The following OFD1 variants were observed in gnomAD, a reference collection of about 807,000 sequenced individuals.
OFD1 encodes the protein OFD1 centriole and centriolar satellite protein, also known as centriole and centriolar satellite protein OFD1.
In OFD1, 12 loss-of-function variants were observed where a neutral mutation model predicts 81.4. The observed-to-expected ratio is 0.15, with a 90% CI of 0.09 to 0.24. The LOEUF (loss-of-function observed/expected upper bound fraction) is 0.24, where lower values mean the gene tolerates loss of function less well. OFD1 is among the 10% of genes least tolerant of loss of function. The pLI is 1.00. For synonymous variants in OFD1, 256 were observed against 263.7 expected (o/e 0.97, Z 0.28); for missense variants, 685 against 733.9 (o/e 0.93, Z 0.77).
chrX:13,740,238 C>T (rs779977978), intron 5 of OFD1: 1 of 818,455 alleles, frequency 1.2e-6, no homozygotes, highest in African/African-American at 2.1e-5. Flanking sequence ...ATTCTGTACT[C>T]TAAGTGTCGT....
At chrX:13,740,270 A>T in intron 5 of OFD1, 1 of 675,330 alleles carries the variant, frequency 1.5e-6, no homozygotes, top group Non-Finnish European at 2.1e-6. Context: ...CTCTGTGATT[A>T]TGGAAATGTC....
chrX:13,745,997 C>T (rs753400149), intron 6 of OFD1, among the ~76,000 whole-genome samples: 1 of 112,404 alleles, frequency 8.9e-6, no homozygotes, highest in Non-Finnish European at 1.9e-5. Flanking sequence ...TATTTTCTGA[C>T]TTAAACTGTA....
the OFD1 span, chrX:13,715,748 C>A: frequency 7.5e-5 from 66 of 874,367 alleles, no homozygotes; most frequent in Admixed American, 1.2e-4. Flanking sequence ...GCTATGAGGA[C>A]AACAAGGTGA....
intron 7 of OFD1, 141 bp downstream of exon 7, chrX:13,746,596 T>G: frequency 1.3e-6 from 1 of 795,952 alleles, no homozygotes; most frequent in African/African-American, 2.1e-5. Context: ...TTTTTTTATT[T>G]CTGGTGACAT....
chrX:13,762,466 A>G (rs1240284421), intron 18 of OFD1, 22 bp downstream of exon 18: 2 of 939,774 alleles, frequency 2.1e-6, no homozygotes, highest in Non-Finnish European at 1.5e-6. Context: ...TATAAATACC[A>G]GTTTTTATAT....
chrX:13,738,090 C>A (rs1283644710), intron 3 of OFD1, among the ~76,000 whole-genome samples: 1 of 112,010 alleles, frequency 8.9e-6, no homozygotes, highest in Admixed American at 9.5e-5. Flanking sequence ...CCCAGGTGAT[C>A]TGCCCACCTC....
chrX:13,760,955 T>C, intron 16 of OFD1, 130 bp from the exon 17 acceptor site: 1 of 874,183 alleles, frequency 1.1e-6, no homozygotes, highest in Non-Finnish European at 1.7e-6. Context: ...TTCTGGATCT[T>C]ATGCATCATA....
intron 19 of OFD1, among the ~76,000 whole-genome samples, chrX:13,764,641 G>A (rs757130817): frequency 1.8e-4 from 20 of 112,234 alleles, no homozygotes; most frequent in Non-Finnish European, 3.0e-4. Flanking sequence ...CCTCCCAAAC[G>A]TTGGAAAAAC....
At position 13,768,780 on chromosome X, in the gene OFD1, C is replaced by G. The variant is rs373088434; in HGVS notation, c.2991C>G (p.Val997=). ...LVDTLQSSDK[V]ESLTGFSHEE... is the part of the protein sequence containing the mutation. ...ACACGCTGCAATCTAGTGACAAAGT[C>G]GAAAGGTACCTGTTTTCCCTACACA... Residue 997 remains valine, a synonymous_variant, in exon 22 of 23, where the codon GTC becomes GTG. Transcript: ENST00000340096. The G allele has an allele frequency of 8.3e-7, 1 of 1,199,409 alleles. No homozygotes were observed. Among genetic ancestry groups the G allele is most frequent in the African/African-American group, 1.7e-5 (1 of 57,347 alleles).
chrX:13,755,293 A>C (rs1166796697), intron 12 of OFD1, 51 bp downstream of exon 12: 1 of 881,283 alleles, frequency 1.1e-6, no homozygotes. Context: ...CAATATATGA[A>C]ATTTTAGTCA....
intron 11 of OFD1, 135 bp downstream of exon 11, chrX:13,753,576 T>A: frequency 1.8e-6 from 1 of 558,197 alleles, no homozygotes; most frequent in Non-Finnish European, 2.8e-6. Flanking sequence ...ACATTTTTTG[T>A]AATTTTAATT....
chrX:13,746,501 G>A (rs767385152), intron 7 of OFD1, 46 bp downstream of exon 7: 6 of 1,146,554 alleles, frequency 5.2e-6, no homozygotes, highest in Non-Finnish European at 7.2e-6. Flanking sequence ...GTTTTTGTTT[G>A]TCTTCTAAAG....
chrX:13,750,246 A>G (rs951138508), intron 9 of OFD1, among the ~76,000 whole-genome samples: 5 of 112,168 alleles, frequency 4.5e-5, no homozygotes, highest in Admixed American at 2.8e-4. Context: ...TAAATTGATC[A>G]AGAGAGAGGA....
At position 13,756,634 on chromosome X, in the gene OFD1, G is replaced by A. The variant is rs756825275; in HGVS notation, c.1278G>A (p.Met426Ile). ...TGGCAATAACAAAACAAAACCATAT[G>A]CTGAATGAAAAGGTTAAAGAGATGA... Reference protein sequence around the residue: ...QSLAITKQNHMLNEKVKEMSD... With the variant: ...QSLAITKQNHILNEKVKEMSD... Residue 426 changes from methionine to isoleucine, a missense_variant, in exon 13 of 23, where the codon ATG becomes ATA. Transcript: ENST00000340096. 1 of 1,203,574 alleles carries A rather than the reference G, an allele frequency of 8.3e-7. No homozygotes were observed. The highest frequency in any genetic ancestry group is 3.0e-5 in the East Asian group (1 of 33,754).
chrX:13,739,296 CAAAA>C (rs751700372), intron 5 of OFD1: 82 of 113,549 alleles, frequency 7.2e-4, no homozygotes, highest in Middle Eastern at 3.0e-3. Flanking sequence ...AATATTTCTG[CAAAA>C]AAAAAAAAAA....
intron 20 of OFD1, 103 bp from the exon 21 acceptor site, chrX:13,767,951 G>A (rs1602942009): frequency 1.2e-6 from 1 of 824,403 alleles, no homozygotes; most frequent in Non-Finnish European, 1.8e-6. Context: ...CTGGCATACA[G>A]GCTGTACTTG....
upstream of OFD1, chrX:13,734,746 G>C: frequency 9.7e-7 from 1 of 1,029,206 alleles, no homozygotes; most frequent in East Asian, 3.7e-5. Flanking sequence ...GGAAGTTGCC[G>C]GACTGGCTGT....
chrX:13,715,825 C>T, the OFD1 span: 4 of 969,482 alleles, frequency 4.1e-6, no homozygotes, highest in South Asian at 6.1e-5. Flanking sequence ...TTCCTAAATA[C>T]ATATTCACCT....
rs747478925 is a variant in OFD1 at position 13,736,545 on chromosome X, G to A, written c.179G>A (p.Arg60Gln). Reference protein sequence around the residue: ...HPVLSGELQPRSISVEGSSLL... With the variant: ...HPVLSGELQPQSISVEGSSLL... ...GTATTGAGTGGAGAACTGCAGCCTC[G>A]GTCCATTTCAGTAGAAGGGAGCTCC... Residue 60 changes from arginine to glutamine, a missense_variant, in exon 3 of 23, where the codon CGG becomes CAG. Physicochemically the swap from Arg to Gln is conservative, Grantham distance 43 (BLOSUM62 1). Coordinates refer to ENST00000340096, the MANE Select transcript of OFD1 (RefSeq NM_003611.3). The A allele has an allele frequency of 1.1e-5, 13 of 1,210,542 alleles. No individual in the cohort carries two copies. The highest frequency in any genetic ancestry group is 1.2e-5 in the Non-Finnish European group (11 of 894,584).
Sources: gnomAD v4.1 joint callset for allele counts (sites outside exome capture counted in the v4.1 genomes callset) on GRCh38, gnomAD v4.1.1 for gene constraint, MANE v1.5 for transcripts, NCBI Gene and HGNC (gene_info 2026-07-23, HGNC 2026-07-21) for gene names.